LRFN5: variants seen among roughly 807,000 people sequenced by gnomAD.
The protein encoded by LRFN5 is leucine rich repeat and fibronectin type III domain containing 5.
In LRFN5, 24 loss-of-function variants were observed where a neutral mutation model predicts 45.6. The observed-to-expected ratio is 0.53, with a 90% CI of 0.38 to 0.74. The LOEUF is 0.74. LRFN5 is among the 30% of genes least tolerant of loss of function. The pLI is 0.00. For missense variants in LRFN5, 776 were observed against 861.5 expected, an observed-to-expected ratio of 0.90 and a Z score of 1.24; for synonymous variants, 340 against 313.8, an observed-to-expected ratio of 1.08 and a Z score of -0.88.
chr14:41,679,294 T>A (rs1265196504), intron 1 of LRFN5, among the ~76,000 whole-genome samples: 1 of 152,060 alleles, frequency 6.6e-6, no homozygotes, highest in Non-Finnish European at 1.5e-5. Flanking sequence ...GGAGTTAATA[T>A]GACACCACTT....
chr14:41,797,410 T>G (rs1310107770), intron 2 of LRFN5, among the ~76,000 whole-genome samples: 1 of 151,836 alleles, frequency 6.6e-6, no homozygotes, highest in East Asian at 1.9e-4. Context: ...CTAAGTTTAG[T>G]CATTGGAATA....
Position 41,698,136 on chromosome 14 carries a change from T to C in LRFN5, c.-196-68718T>C, listed in dbSNP as rs931444148. ...AGGTGCTGGACAAATTTAAGAAATGTGTAAAGCAACAAATTCCTATAAAAA... is the reference window on the plus strand; with the variant it reads ...AGGTGCTGGACAAATTTAAGAAATGCGTAAAGCAACAAATTCCTATAAAAA... On this transcript the variant is annotated intron_variant, in intron 1 of 5. Coordinates refer to ENST00000298119, the MANE Select transcript of LRFN5 (RefSeq NM_152447.5). Among the ~76,000 whole-genome samples, 7 of 151,924 alleles carry C rather than the reference T, an allele frequency of 4.6e-5. No individual in the cohort carries two copies. In the East Asian group the frequency reaches 9.6e-4, roughly 21 times the overall value.
At chr14:41,798,661 G>A (rs1429834941) in intron 2 of LRFN5, among the ~76,000 whole-genome samples, 2 of 151,936 alleles carry the variant, frequency 1.3e-5, no homozygotes, top group Admixed American at 6.6e-5. Context: ...AAATTATCTT[G>A]TATTAGTTTG....
chr14:41,722,574 T>TC (rs919270129), intron 1 of LRFN5, among the ~76,000 whole-genome samples: 1 of 151,746 alleles, frequency 6.6e-6, no homozygotes, highest in Non-Finnish European at 1.5e-5. Context: ...TGTTTTTTTT[T>TC]TTTCTTTCTC....
intron 2 of LRFN5, 62 bp from the exon 3 acceptor site, chr14:41,886,544 G>GGAATAT (rs778585691): frequency 6.5e-5 from 68 of 1,051,444 alleles, no homozygotes; most frequent in Non-Finnish European, 8.5e-5. Flanking sequence ...TATTCTAGTA[G>GGAATAT]GAATATGAAT....
At chr14:41,840,153 C>T (rs1888809698) in intron 2 of LRFN5, among the ~76,000 whole-genome samples, 1 of 151,998 alleles carries the variant, frequency 6.6e-6, no homozygotes, top group Non-Finnish European at 1.5e-5. Flanking sequence ...AATAAATAAT[C>T]CACAATGTCC....
chr14:41,631,233 G>A (rs1888521547), intron 1 of LRFN5, among the ~76,000 whole-genome samples: 1 of 151,346 alleles, frequency 6.6e-6, no homozygotes, highest in South Asian at 2.1e-4. Context: ...GAATTATTTG[G>A]CTTCCACAGA....
intron 1 of LRFN5, among the ~76,000 whole-genome samples, chr14:41,661,641 T>G (rs542085757): frequency 6.9e-4 from 105 of 151,990 alleles, no homozygotes; most frequent in African/African-American, 2.4e-3. Context: ...TGGTGGCAAA[T>G]AAGAAAATCA....
intron 1 of LRFN5, among the ~76,000 whole-genome samples, chr14:41,745,978 A>G (rs772275652): frequency 6.6e-6 from 1 of 152,078 alleles, no homozygotes; most frequent in Non-Finnish European, 1.5e-5. Context: ...TGGAAAATGA[A>G]GGAACACTCC....
chr14:41,744,912 T>C (rs1884859964), intron 1 of LRFN5, among the ~76,000 whole-genome samples: 1 of 151,978 alleles, frequency 6.6e-6, no homozygotes, highest in African/African-American at 2.4e-5. Flanking sequence ...CTGATGGAAT[T>C]GAAGGGGAAA....
intron 2 of LRFN5, among the ~76,000 whole-genome samples, chr14:41,834,001 C>T (rs1888574549): frequency 6.6e-6 from 1 of 152,022 alleles, no homozygotes; most frequent in Non-Finnish European, 1.5e-5. Context: ...TTATAAATTG[C>T]CTATTTTAGT....
chr14:41,798,055 C>T (rs1017121923), intron 2 of LRFN5, among the ~76,000 whole-genome samples: 5 of 151,922 alleles, frequency 3.3e-5, no homozygotes, highest in Non-Finnish European at 5.9e-5. Context: ...TCTCTATCCC[C>T]GCTTTAACTT....
intron 2 of LRFN5, among the ~76,000 whole-genome samples, chr14:41,820,295 G>A (rs954821036): frequency 6.6e-6 from 1 of 151,822 alleles, no homozygotes; most frequent in Admixed American, 6.6e-5. Context: ...TTTTAAATAT[G>A]GTGAGAGATA....
At chr14:41,748,455 G>A (rs369844217) in intron 1 of LRFN5, among the ~76,000 whole-genome samples, 7 of 152,194 alleles carry the variant, frequency 4.6e-5, no homozygotes, top group Admixed American at 2.0e-4. Flanking sequence ...AGGGAACTTA[G>A]AGTAGTCCCA....
chr14:41,620,963 A>T (rs1355033778), intron 1 of LRFN5, among the ~76,000 whole-genome samples: 1 of 107,898 alleles, frequency 9.3e-6, no homozygotes, highest in East Asian at 2.8e-4. Flanking sequence ...ACATGAATTG[A>T]TACATACATT....
intron 2 of LRFN5, among the ~76,000 whole-genome samples, chr14:41,773,006 T>G (rs952951261): frequency 7.2e-5 from 11 of 152,156 alleles, no homozygotes; most frequent in South Asian, 4.1e-4. Context: ...TTTTGCTTAT[T>G]CTCCACATGC....
At chr14:41,837,540 A>G (rs957086768) in intron 2 of LRFN5, among the ~76,000 whole-genome samples, 2 of 152,202 alleles carry the variant, frequency 1.3e-5, no homozygotes, top group African/African-American at 2.4e-5. Context: ...CAGCTGTACA[A>G]TCTGGCCAAA....
chr14:41,720,763 A>ATT (rs1423685165), intron 1 of LRFN5, among the ~76,000 whole-genome samples: 1 of 151,728 alleles, frequency 6.6e-6, no homozygotes, highest in Non-Finnish European at 1.5e-5. Context: ...TGTCATTTTG[A>ATT]TTTTTTTTAA....
intron 1 of LRFN5, among the ~76,000 whole-genome samples, chr14:41,742,211 C>A (rs1456881950): frequency 6.6e-6 from 1 of 151,470 alleles, no homozygotes; most frequent in East Asian, 1.9e-4. Flanking sequence ...GATACCTGTA[C>A]TTTCATGTTT....
Sources: gnomAD v4.1 joint callset for allele counts (sites outside exome capture counted in the v4.1 genomes callset) on GRCh38, gnomAD v4.1.1 for gene constraint, MANE v1.5 for transcripts, NCBI Gene and HGNC (gene_info 2026-07-23, HGNC 2026-07-21) for gene names.